KAZN: variants seen among roughly 807,000 people sequenced by gnomAD.
KAZN encodes the protein kazrin.
Under a neutral mutation model 87.4 loss-of-function variants are expected in KAZN, and 40 were observed. The ratio of observed to expected loss-of-function variants is 0.46; its 90% confidence interval spans 0.36 to 0.60. The LOEUF is 0.60. Ranked by LOEUF, KAZN falls within the 20% of genes least tolerant of loss-of-function variation. The pLI is 0.00. For synonymous variants in KAZN, 466 were observed against 458.3 expected (o/e 1.02, Z -0.22); for missense variants, 898 against 1,073.9 (o/e 0.84, Z 2.29).
At chr1:14,433,249 G>A (rs12731722) in intron 2 of KAZN, among the ~76,000 whole-genome samples, 5,076 of 152,144 alleles carry the variant, frequency 0.033, 135 homozygotes, top group Non-Finnish European at 0.049. Flanking sequence ...TTTCCAGCCA[G>A]CACCCACCCC....
chr1:14,401,080 G>T (rs1663365720), intron 2 of KAZN, among the ~76,000 whole-genome samples: 1 of 152,314 alleles, frequency 6.6e-6, no homozygotes, highest in African/African-American at 2.4e-5. Flanking sequence ...GCCAGGGAGA[G>T]AGCACAATGG....
At chr1:14,283,149 G>A (rs911532868) in intron 2 of KAZN, among the ~76,000 whole-genome samples, 5 of 151,936 alleles carry the variant, frequency 3.3e-5, no homozygotes, top group African/African-American at 9.7e-5. Context: ...TTCCACTTTC[G>A]CAGACTATTA....
At chr1:14,362,248 TAGC>T (rs1313050017) in intron 2 of KAZN, among the ~76,000 whole-genome samples, 1 of 152,234 alleles carries the variant, frequency 6.6e-6, no homozygotes. Flanking sequence ...ACATAGTTGT[TAGC>T]AGCATTCAGT....
chr1:14,437,880 G>C (rs1666489888), intron 2 of KAZN, among the ~76,000 whole-genome samples: 1 of 152,080 alleles, frequency 6.6e-6, no homozygotes, highest in Admixed American at 6.5e-5. Flanking sequence ...AAAGAAAAAG[G>C]AGGAGGAGGA....
chr1:14,071,675 A>G (rs1194893825), intron 1 of KAZN, among the ~76,000 whole-genome samples: 1 of 151,934 alleles, frequency 6.6e-6, no homozygotes, highest in African/African-American at 2.4e-5. Flanking sequence ...GCTAGCGGGC[A>G]CCTCCTGCAG....
At chr1:13,918,333 A>AG (rs1159429816) in intron 1 of KAZN, among the ~76,000 whole-genome samples, 1 of 152,224 alleles carries the variant, frequency 6.6e-6, no homozygotes, top group African/African-American at 2.4e-5. Context: ...TCAAGATTTA[A>AG]GGGGAGAAAG....
intron 1 of KAZN, among the ~76,000 whole-genome samples, chr1:14,115,366 G>C (rs1054648418): frequency 6.6e-6 from 1 of 152,238 alleles, no homozygotes; most frequent in Admixed American, 6.5e-5. Flanking sequence ...TGTTGTGGGA[G>C]GGACCCAGTG....
At position 14,956,789 on chromosome 1, in the gene KAZN, C is replaced by T. The variant is rs181814590; in HGVS notation, c.227-3895C>T. 2.2e-3 allele frequency among the ~76,000 whole-genome samples: 328 copies of T among 152,174 alleles called. 4 individuals carry two copies. The highest frequency in any genetic ancestry group is 5.6e-4 in the Non-Finnish European group (38 of 67,998). On this transcript the variant is annotated intron_variant, in intron 1 of 14. Coordinates refer to ENST00000376030, the MANE Select transcript of KAZN (RefSeq NM_201628.3). The stretch of plus-strand genomic sequence containing the variant: ...ATTGATCGAGAGGAGAAAATTCCAG[C>T]CTTGGCGACTGCTAGAGACAGTGAG...
At chr1:14,369,671 G>A (rs990321779) in intron 2 of KAZN, among the ~76,000 whole-genome samples, 24 of 152,176 alleles carry the variant, frequency 1.6e-4, no homozygotes, top group Admixed American at 1.5e-3. Context: ...CTCGAGGAAG[G>A]TATTTAGCAA....
intron 2 of KAZN, among the ~76,000 whole-genome samples, chr1:14,375,978 G>A (rs1233990696): frequency 6.6e-6 from 1 of 151,684 alleles, no homozygotes; most frequent in Non-Finnish European, 1.5e-5. Flanking sequence ...GAGTATGTAT[G>A]GAGCCAAGGC....
intron 1 of KAZN, among the ~76,000 whole-genome samples, chr1:14,708,088 G>A (rs1280680081): frequency 3.3e-5 from 5 of 152,222 alleles, no homozygotes; most frequent in East Asian, 3.9e-4. Flanking sequence ...TCACTGGCTC[G>A]GCTTTTGGAT....
At chr1:14,452,216 AGAC>A (rs1370997005) in intron 2 of KAZN, among the ~76,000 whole-genome samples, 1 of 152,182 alleles carries the variant, frequency 6.6e-6, no homozygotes, top group African/African-American at 2.4e-5. Context: ...CTAGGATTAC[AGAC>A]ATGAGCTACC....
At position 14,360,649 on chromosome 1, in the gene KAZN, T is replaced by C. The variant is rs943924490; in HGVS notation, c.249+180057T>C. ...TTGTGTGGATGTCCTTTTTCTTTGG[T>C]GTTATGCTATTCCTGTTTGTTAATT... On this transcript the variant is annotated intron_variant, in intron 2 of 16. Coordinates refer to the KAZN transcript ENST00000636203. Among the ~76,000 whole-genome samples the C allele has an allele frequency of 7.3e-5, 11 of 151,040 alleles. No homozygotes were observed. The Admixed American group carries it at 7.3e-4, about 10-fold the overall frequency.
intron 1 of KAZN, among the ~76,000 whole-genome samples, chr1:14,615,115 G>A (rs1419931979): frequency 6.6e-6 from 1 of 152,242 alleles, no homozygotes; most frequent in African/African-American, 2.4e-5. Flanking sequence ...CACTGAGGAA[G>A]GAAATTGAGT....
intron 2 of KAZN, among the ~76,000 whole-genome samples, chr1:14,464,498 C>T (rs1178436849): frequency 6.6e-6 from 1 of 151,990 alleles, no homozygotes; most frequent in African/African-American, 2.4e-5. Flanking sequence ...CACTTATTGG[C>T]ATTTGAGTTT....
chr1:14,288,931 C>T (rs534717611), intron 2 of KAZN, among the ~76,000 whole-genome samples: 48 of 152,260 alleles, frequency 3.2e-4, no homozygotes, highest in African/African-American at 1.1e-3. Context: ...GCCTTAATTT[C>T]GTTATGTACC....
intron 1 of KAZN, among the ~76,000 whole-genome samples, chr1:14,863,441 A>G (rs1402418826): frequency 6.6e-6 from 1 of 152,226 alleles, no homozygotes; most frequent in East Asian, 1.9e-4. Context: ...TTTCAAAGAC[A>G]GCTTTGAGCA....
chr1:14,537,543 A>G (rs1199552726), intron 2 of KAZN, among the ~76,000 whole-genome samples: 4 of 152,168 alleles, frequency 2.6e-5, no homozygotes, highest in African/African-American at 7.2e-5. Context: ...CTGGCTTCCA[A>G]TTTGATCCCT....
At chr1:15,092,332 C>G (rs1640589274) in intron 8 of KAZN, among the ~76,000 whole-genome samples, 1 of 152,132 alleles carries the variant, frequency 6.6e-6, no homozygotes, top group Non-Finnish European at 1.5e-5. Context: ...ACCTCGGCCT[C>G]CCAAAGTGCT....
Sources: allele counts gnomAD v4.1 joint callset (sites outside exome capture counted in the v4.1 genomes callset), GRCh38; gene constraint gnomAD v4.1.1; transcripts MANE v1.5; gene names NCBI Gene and HGNC (gene_info 2026-07-23, HGNC 2026-07-21).